BCR: variants seen among roughly 807,000 people sequenced by gnomAD.
BCR encodes the protein breakpoint cluster region protein.
In BCR, 58 loss-of-function variants were observed where a neutral mutation model predicts 138.6. That is an observed-to-expected ratio of 0.42 (90% confidence interval 0.34 to 0.52). The LOEUF (loss-of-function observed/expected upper bound fraction) is 0.52, where lower values mean the gene tolerates loss of function less well. Among genes scored for constraint, BCR ranks in the 20% least tolerant of loss-of-function variants. The pLI, the probability that BCR is intolerant of heterozygous loss-of-function variation, is 0.06. For synonymous variants in BCR, 786 were observed against 730.1 expected (o/e 1.08, Z -1.23); for missense variants, 1,599 against 1,727.2 (o/e 0.93, Z 1.32).
chr22:23,285,872 C>T (rs2073705465), intron 10 of BCR, among the ~76,000 whole-genome samples: 1 of 152,206 alleles, frequency 6.6e-6, no homozygotes, highest in African/African-American at 2.4e-5. Context: ...ACTTTAAGTT[C>T]ACAGGCAAAT....
chr22:23,260,241 T>C (rs942651733), intron 2 of BCR, among the ~76,000 whole-genome samples: 1 of 152,188 alleles, frequency 6.6e-6, no homozygotes, highest in Admixed American at 6.5e-5. Context: ...AGAGCTTCCC[T>C]GAACTTTCAG....
chr22:23,233,804 GAAAAA>G (rs1190794427), intron 1 of BCR, among the ~76,000 whole-genome samples: 1 of 87,890 alleles, frequency 1.1e-5, no homozygotes, highest in Non-Finnish European at 2.3e-5. Flanking sequence ...AAAAAAAAAA[GAAAAA>G]AAAGAAAAAA....
Position 23,305,829 on chromosome 22 carries a change from A to G in BCR, c.3013-3595A>G, listed in dbSNP as rs375845965. Among the ~76,000 whole-genome samples, 155 of 152,116 alleles carry G rather than the reference A, an allele frequency of 1.0e-3. 3 individuals carry two copies. The South Asian group carries it at 0.023, about 23-fold the overall frequency. On this transcript the variant is annotated intron_variant, in intron 16 of 22. Transcript: ENST00000305877. The stretch of plus-strand genomic sequence containing the variant: ...CGGCCAGGCAGCAGGCATGTTCCTC[A>G]CCAAGACCTTGCAACCCAGGGGGAC...
In BCR at chr22:23,181,991, ACTT is replaced by A. The variant is rs1569234190; in HGVS notation, c.1034_1036del (p.Phe345del). On this transcript the variant is annotated inframe_deletion, in exon 1 of 23. Coordinates refer to ENST00000305877, the MANE Select transcript of BCR (RefSeq NM_004327.4). ...GAGAACCTCACCTCCAGCGAGGAGG[ACTT>A]CTCCTCTGGCCAGTCCAGCCGCGTG... The A allele has an allele frequency of 3.7e-6, 6 of 1,613,356 alleles. No individual in the cohort carries two copies. Among genetic ancestry groups the A allele is most frequent in the Middle Eastern group, 1.6e-4 (1 of 6,062 alleles).
chr22:23,311,693 G>T lies in BCR; in HGVS notation c.3183-4G>T. The T allele has an allele frequency of 1.9e-6, 3 of 1,587,676 alleles. No homozygotes were observed. The highest frequency in any genetic ancestry group is 2.6e-6 in the Non-Finnish European group (3 of 1,162,676). Reference sequence around the variant, plus strand: ...GACACTGAGAACATTCCCTCCTCCCGCAGGAGAGAGAGGTCCAAGGTGCCC... The same window carrying T: ...GACACTGAGAACATTCCCTCCTCCCTCAGGAGAGAGAGGTCCAAGGTGCCC... On this transcript the variant is annotated splice_region_variant and splice_polypyrimidine_tract_variant and intron_variant, in intron 18 of 22. Transcript: ENST00000305877.
intron 1 of BCR, among the ~76,000 whole-genome samples, chr22:23,228,122 A>T (rs530058873): frequency 1.2e-4 from 18 of 151,798 alleles, no homozygotes; most frequent in Non-Finnish European, 2.5e-4. Context: ...TTTGTTTGTT[A>T]GTCTGCTAGA....
At chr22:23,224,789 G>C (rs2072868747) in intron 1 of BCR, among the ~76,000 whole-genome samples, 1 of 152,150 alleles carries the variant, frequency 6.6e-6, no homozygotes, top group Admixed American at 6.5e-5. Flanking sequence ...GGCTGAGTCA[G>C]GATAATCGCT....
intron 8 of BCR, 51 bp from the exon 9 acceptor site, chr22:23,283,926 C>A: frequency 6.6e-7 from 1 of 1,519,446 alleles, no homozygotes; most frequent in Non-Finnish European, 8.8e-7. Context: ...CGAACACCCC[C>A]CACCCATCAC....
At chr22:23,192,222 T>C (rs2072424441) in intron 1 of BCR, among the ~76,000 whole-genome samples, 1 of 151,824 alleles carries the variant, frequency 6.6e-6, no homozygotes, top group Non-Finnish European at 1.5e-5. Context: ...CTCCACTGAT[T>C]GAGTCTGAGG....
chr22:23,181,778 C>T lies in BCR; in HGVS notation c.818C>T (p.Pro273Leu), dbSNP rs765337010. Reference sequence around the variant, plus strand: ...GGCGGTAGCAGGCCCCCTTGGCCGCCCCTGGAGTACCAGCCCTACCAGAGC... The same window carrying T: ...GGCGGTAGCAGGCCCCCTTGGCCGCTCCTGGAGTACCAGCCCTACCAGAGC... ...ANGGSRPPWP[P>L]LEYQPYQSIY... The change falls in exon 1 of 23, where the codon CCC becomes CTC. Residue 273 changes from proline to leucine, a missense_variant. Pro to Leu is a moderately conservative substitution (Grantham distance 98). Transcript: ENST00000305877. 1.6e-5 allele frequency: 26 copies of T among 1,607,282 alleles called. No individual in the cohort carries two copies. In the African/African-American group the frequency reaches 2.8e-4, roughly 17 times the overall value.
In BCR at chr22:23,181,307, G is replaced by A; in HGVS notation, c.347G>A (p.Arg116Gln). The change falls in exon 1 of 23, where the codon CGG (arginine) becomes CAG (glutamine). Residue 116 changes from arginine to glutamine, a missense_variant. Transcript: ENST00000305877. ...CCGCCCGCCGAGGAGCCCGAGGCCCGGCCCGACGGCGAGGGTTCTCCGGGT... is the reference window on the plus strand; with the variant it reads ...CCGCCCGCCGAGGAGCCCGAGGCCCAGCCCGACGGCGAGGGTTCTCCGGGT... The part of the protein sequence containing the change: ...DPPPAEEPEA[R>Q]PDGEGSPGKA... 1 of 1,359,492 alleles carries A rather than the reference G, an allele frequency of 7.4e-7. No individual in the cohort carries two copies. The allele number at this position is 1,359,492 out of a possible 1,614,324, so 84.2% of individuals were successfully genotyped here.
At position 23,271,572 on chromosome 22, in the gene BCR, C is replaced by A; in HGVS notation, c.1901C>A (p.Thr634Lys). ...AGCAACAAAGATGCCAAGGATCCAA[C>A]GACCAAGAACTCTCTGGAAAGTGAG... ...ARSNKDAKDP[T>K]TKNSLETLLY... Residue 634 changes from threonine (T) to lysine (K), a missense_variant, in exon 6 of 23, where the codon ACG (threonine) becomes AAG (lysine). Physicochemically the swap from Thr to Lys is moderately conservative, Grantham distance 78. Around this residue, in one of 4 missense-constraint regions of BCR, gnomAD observed 590 missense variants for 762.4 expected, o/e 0.77. Coordinates refer to ENST00000305877, the MANE Select transcript of BCR (RefSeq NM_004327.4). 2 of 1,614,056 alleles carry A rather than the reference C, an allele frequency of 1.2e-6. No homozygotes were observed. The highest frequency in any genetic ancestry group is 1.7e-6 in the Non-Finnish European group (2 of 1,180,026).
intron 1 of BCR, among the ~76,000 whole-genome samples, chr22:23,249,138 T>C (rs2073190857): frequency 1.3e-5 from 2 of 151,652 alleles, no homozygotes; most frequent in African/African-American, 4.9e-5. Flanking sequence ...TTTTAAAAAT[T>C]AGCTGGGCAG....
rs748613620 is a variant in BCR, at chr22:23,181,602, G to A, written c.642G>A (p.Lys214=). 1 of 1,612,498 alleles carries A rather than the reference G, an allele frequency of 6.2e-7. No individual in the cohort carries two copies. Among genetic ancestry groups the A allele is most frequent in the Non-Finnish European group, 8.5e-7 (1 of 1,179,986 alleles). ...GSQAMQMERK[K]SQHGAGSSVG... ...AGGCCATGCAGATGGAGCGCAAAAA[G>A]TCCCAGCACGGCGCGGGCTCGAGCG... Residue 214 remains lysine (K), a synonymous_variant, in exon 1 of 23, where the codon AAG becomes AAA. Transcript: ENST00000305877.
intron 1 of BCR, among the ~76,000 whole-genome samples, chr22:23,250,819 T>A (rs1449374533): frequency 1.3e-5 from 2 of 152,134 alleles, no homozygotes; most frequent in Non-Finnish European, 2.9e-5. Flanking sequence ...CGAGTCAACG[T>A]CTCTGTTAAA....
intron 16 of BCR, among the ~76,000 whole-genome samples, chr22:23,299,222 G>C (rs11090230): frequency 0.026 from 3,999 of 152,180 alleles, 182 homozygotes; most frequent in African/African-American, 0.092. Flanking sequence ...CTGACCTCAT[G>C]ATCCGCCCTC....
intron 8 of BCR, among the ~76,000 whole-genome samples, chr22:23,282,335 G>A (rs2073656352): frequency 6.6e-6 from 1 of 152,246 alleles, no homozygotes; most frequent in Non-Finnish European, 1.5e-5. Context: ...CAGGCGGGGT[G>A]TGGGTGAGTG....
chr22:23,195,955 A>G (rs2072475928), intron 1 of BCR, among the ~76,000 whole-genome samples: 1 of 152,266 alleles, frequency 6.6e-6, no homozygotes, highest in South Asian at 2.1e-4. Flanking sequence ...AATTTTAAAG[A>G]GAAATAAAAA....
chr22:23,246,622 A>G (rs982037476), intron 1 of BCR, among the ~76,000 whole-genome samples: 2 of 152,178 alleles, frequency 1.3e-5, no homozygotes, highest in African/African-American at 2.4e-5. Flanking sequence ...GGCACAGTCA[A>G]GCTCTGCCTG....
Sources: allele counts gnomAD v4.1 joint callset (sites outside exome capture counted in the v4.1 genomes callset), GRCh38; gene constraint gnomAD v4.1.1; regional missense constraint gnomAD v4.1.1; transcripts MANE v1.5; gene names NCBI Gene and HGNC (gene_info 2026-07-23, HGNC 2026-07-21).